The following MRPS18B variants were observed in gnomAD, a reference collection of about 807,000 sequenced individuals.
MRPS18B encodes the protein mitochondrial ribosomal protein S18B.
MRPS18B carries 27 observed loss-of-function variants against 28.4 expected under a neutral mutation model. That is an observed-to-expected ratio of 0.95 (90% confidence interval 0.70 to 1.31). MRPS18B has a LOEUF of 1.31. Among genes scored for constraint, MRPS18B ranks in the 40% most tolerant of loss-of-function variants. The pLI, the probability that MRPS18B is intolerant of heterozygous loss-of-function variation, is 0.00. For missense variants in MRPS18B, 343 were observed against 335.9 expected, an observed-to-expected ratio of 1.02 and a Z score of -0.17; for synonymous variants, 118 against 123.7, an observed-to-expected ratio of 0.95 and a Z score of 0.30.
chr6:30,620,329 A>AT (rs370311020), intron 4 of MRPS18B, among the ~76,000 whole-genome samples: 3,735 of 151,980 alleles, frequency 0.025, 122 homozygotes, highest in African/African-American at 0.073. Context: ...AAAAAAAATA[A>AT]AATAAAATAA....
chr6:30,620,054 A>C, intron 4 of MRPS18B, 65 bp downstream of exon 4: 118 of 1,508,702 alleles, frequency 7.8e-5, no homozygotes, highest in Non-Finnish European at 9.8e-5. Flanking sequence ...GCGGTGGCTC[A>C]CGCCTGTAAT....
intron 1 of MRPS18B, chr6:30,618,648 G>A (rs929322265): frequency 3.9e-5 from 6 of 152,200 alleles, no homozygotes; most frequent in Non-Finnish European, 8.8e-5. Context: ...GGTGACAGAG[G>A]TCAACACAGA....
rs138666755 is a variant in MRPS18B at position 30,623,600 on chromosome 6, G to C, written c.421+702G>C. Among the ~76,000 whole-genome samples the C allele has an allele frequency of 2.6e-5, 4 of 152,114 alleles. No individual in the cohort carries two copies. The East Asian group carries it at 7.7e-4, about 29-fold the overall frequency. ...CAGGGCAAATCTGGCCCACTGTCAC[G>C]TCCATTTGTTTTCATATTTTCTGCA... On this transcript the variant is annotated intron_variant, in intron 5 of 6. Coordinates refer to ENST00000259873, the MANE Select transcript of MRPS18B (RefSeq NM_014046.4).
chr6:30,623,407 A>G (rs533702042), intron 5 of MRPS18B, among the ~76,000 whole-genome samples: 9 of 152,296 alleles, frequency 5.9e-5, no homozygotes, highest in Non-Finnish European at 1.3e-4. Flanking sequence ...TTTTTAATTG[A>G]TAAACAGTGA....
intron 4 of MRPS18B, among the ~76,000 whole-genome samples, chr6:30,620,656 G>A (rs961985805): frequency 2.6e-5 from 4 of 151,624 alleles, no homozygotes; most frequent in Admixed American, 2.6e-4. Flanking sequence ...TGCAACCTCC[G>A]CCTTCTGGGT....
Position 30,620,575 on chromosome 6 carries a change from GT to G in MRPS18B, c.354+598del, listed in dbSNP as rs879897757. On this transcript the variant is annotated intron_variant, in intron 4 of 6. Transcript: ENST00000259873. ...AAATTGGCAGGTAAGAGAAATGGCT[GT>G]TTTTTTTTTTTGAGACGGAGTCTTA... 2.1e-3 allele frequency among the ~76,000 whole-genome samples: 304 copies of G among 144,398 alleles called. 3 individuals are homozygous for G. Among genetic ancestry groups the G allele is most frequent in the Admixed American group, 3.3e-3 (47 of 14,440 alleles). The allele number at this position is 144,398 out of a possible 152,430, so 94.7% of individuals were successfully genotyped here.
rs761367857 is a variant in MRPS18B at position 30,617,880 on chromosome 6, A to G, written c.15A>G (p.Val5=). 3.1e-6 allele frequency: 5 copies of G among 1,614,168 alleles called. No homozygotes were observed. The highest frequency in any genetic ancestry group is 4.2e-6 in the Non-Finnish European group (5 of 1,180,036). Residue 5 remains valine (V), a synonymous_variant, in exon 1 of 7, where the codon GTA becomes GTG. Transcript: ENST00000259873. MAAS[V]LNTVLRRLPM... ...CGTACGTCAAGATGGCGGCGTCTGT[A>G]TTAAACACCGTGCTGAGGCGGCTTC...
At position 30,625,589 on chromosome 6, in the gene MRPS18B, C is replaced by T; in HGVS notation, c.569C>T (p.Ala190Val). Residue 190 changes from alanine to valine, a missense_variant, in exon 7 of 7, where the codon GCC (alanine) becomes GTC (valine). Ala to Val is a moderately conservative substitution (Grantham distance 64). Transcript: ENST00000259873. The stretch of plus-strand genomic sequence containing the variant: ...GGGGCTGTGAGTGCTACTCCGCCAG[C>T]CCCCACCCTGGTCTCAGGTGACCCC... ...SHGAVSATPP[A>V]PTLVSGDPWY... is the part of the protein sequence containing the mutation. The T allele has an allele frequency of 1.2e-6, 2 of 1,611,858 alleles. No individual in the cohort carries two copies. The highest frequency in any genetic ancestry group is 1.7e-6 in the Non-Finnish European group (2 of 1,178,994).
In MRPS18B at chr6:30,625,572, G is replaced by A; in HGVS notation, c.552G>A (p.Val184=). 1 of 1,608,842 alleles carries A rather than the reference G, an allele frequency of 6.2e-7. No individual in the cohort carries two copies. Among genetic ancestry groups the A allele is most frequent in the Non-Finnish European group, 8.5e-7 (1 of 1,176,512 alleles). Residue 184 remains valine (V), a synonymous_variant, in exon 7 of 7, where the codon GTG becomes GTA. Transcript: ENST00000259873. ...DLDFSTSHGA[V]SATPPAPTLV... Reference sequence around the variant, plus strand: ...ACTTCAGTACCTCTCATGGGGCTGTGAGTGCTACTCCGCCAGCCCCCACCC... The same window carrying A: ...ACTTCAGTACCTCTCATGGGGCTGTAAGTGCTACTCCGCCAGCCCCCACCC...
At chr6:30,624,576 C>T (rs1163562704) in intron 5 of MRPS18B, among the ~76,000 whole-genome samples, 1 of 152,140 alleles carries the variant, frequency 6.6e-6, no homozygotes, top group East Asian at 1.9e-4. Context: ...GTGGATTGTT[C>T]AACTCAACCC....
chr6:30,623,045 G>A (rs1267285797), intron 5 of MRPS18B, 147 bp downstream of exon 5: 1 of 773,506 alleles, frequency 1.3e-6, no homozygotes, highest in Non-Finnish European at 2.1e-6. Context: ...GCTTGCTGGG[G>A]GCTAAAGTAA....
intron 2 of MRPS18B, 32 bp downstream of exon 2, chr6:30,619,633 T>C (rs927294866): frequency 1.9e-5 from 31 of 1,609,062 alleles, no homozygotes; most frequent in Non-Finnish European, 2.4e-5. Context: ...GAGGGTCAGA[T>C]AGGATTTGAG....
At chr6:30,624,167 AC>A (rs991238171) in intron 5 of MRPS18B, among the ~76,000 whole-genome samples, 7 of 151,630 alleles carry the variant, frequency 4.6e-5, no homozygotes, top group African/African-American at 1.7e-4. Flanking sequence ...ATCTTGGCTC[AC>A]TGCCGTCTCC....
chr6:30,625,043 A>G, intron 6 of MRPS18B, 101 bp downstream of exon 6: 1 of 1,273,586 alleles, frequency 7.9e-7, no homozygotes, highest in Non-Finnish European at 1.1e-6. Flanking sequence ...TCAAGATGGT[A>G]GCACCCAGCA....
rs370924533 is a variant in MRPS18B at position 30,624,517 on chromosome 6, A to G, written c.422-366A>G. Reference sequence around the variant, plus strand: ...AAGGGACTATTATTGTTACTCTCTCAGATTGCCTTCCCCAACTCTGAAATC... The same window carrying G: ...AAGGGACTATTATTGTTACTCTCTCGGATTGCCTTCCCCAACTCTGAAATC... On this transcript the variant is annotated intron_variant, in intron 5 of 6. Coordinates refer to ENST00000259873, the MANE Select transcript of MRPS18B (RefSeq NM_014046.4). Among the ~76,000 whole-genome samples, 30 of 152,348 alleles carry G rather than the reference A, an allele frequency of 2.0e-4. No individual in the cohort carries two copies. The South Asian group carries it at 3.1e-3, about 16-fold the overall frequency.
At chr6:30,622,802 C>G in intron 4 of MRPS18B, 30 bp from the exon 5 acceptor site, 1 of 1,608,856 alleles carries the variant, frequency 6.2e-7, no homozygotes, top group South Asian at 1.1e-5. Context: ...GCCTCTTTTC[C>G]TCACGTTTCT....
intron 4 of MRPS18B, 143 bp downstream of exon 4, chr6:30,620,132 A>G (rs1421459447): frequency 1.3e-6 from 1 of 753,808 alleles, no homozygotes; most frequent in Non-Finnish European, 2.2e-6. Context: ...CCTGGCTAAC[A>G]CGGTGAAACC....
rs1248911682 is a variant in MRPS18B, at chr6:30,622,830, A to G, written c.355-2A>G. On this transcript the variant is annotated splice_acceptor_variant, in intron 4 of 6. Transcript: ENST00000259873. LOFTEE classifies it high-confidence loss of function. Reference sequence around the variant, plus strand: ...ACGTTTCTCTACCACTTTCCCCCACAGAACGTGAAGCTCTTGGAGCAATTT... The same window carrying G: ...ACGTTTCTCTACCACTTTCCCCCACGGAACGTGAAGCTCTTGGAGCAATTT... 8 of 1,612,890 alleles carry G rather than the reference A, an allele frequency of 5.0e-6. No individual in the cohort carries two copies. The Admixed American group carries it at 6.7e-5, about 13-fold the overall frequency.
Position 30,626,096 on chromosome 6 carries a change from CAAAAAA to C in MRPS18B, c.*309_*314del. 4.9e-6 allele frequency: 1 copy of C among 203,796 alleles called. No homozygotes were observed. Among genetic ancestry groups the C allele is most frequent in the East Asian group, 8.8e-5 (1 of 11,362 alleles). 12.6% of individuals were successfully genotyped at this position (203,796 alleles called of 1,614,324 possible). A position where few individuals can be genotyped will look rare whatever the true frequency, so the allele number is the denominator to read the frequency against. The stretch of plus-strand genomic sequence containing the variant: ...CCTGGGTGACAGCTAGACCCTGTCT[CAAAAAA>C]AAAAAAAAAGACTGGGAAGAGAGCT... On this transcript the variant is annotated 3_prime_UTR_variant, in exon 7 of 7. Transcript: ENST00000259873.
Sources: allele counts gnomAD v4.1 joint callset (sites outside exome capture counted in the v4.1 genomes callset), GRCh38; gene constraint gnomAD v4.1.1; transcripts MANE v1.5; gene names NCBI Gene and HGNC (gene_info 2026-07-23, HGNC 2026-07-21).